The following PRKN variants were observed in gnomAD, a reference collection of about 807,000 sequenced individuals.
PRKN encodes E3 ubiquitin-protein ligase parkin.
In PRKN, 56 loss-of-function variants were observed where a neutral mutation model predicts 59.5. That is an observed-to-expected ratio of 0.94 (90% CI 0.76 to 1.18). The LOEUF (loss-of-function observed/expected upper bound fraction) is 1.18. PRKN is among the 50% of genes most tolerant of loss of function. The pLI, the probability that PRKN is intolerant of heterozygous loss-of-function variation, is 0.00. For synonymous variants in PRKN, 250 were observed against 222.1 expected, an observed-to-expected ratio of 1.13 and a Z score of -1.12; for missense variants, 657 against 596.4, an observed-to-expected ratio of 1.10 and a Z score of -1.06.
At chr6:162,315,842 C>T (rs1428315933) in intron 2 of PRKN, among the ~76,000 whole-genome samples, 2 of 152,294 alleles carry the variant, frequency 1.3e-5, no homozygotes, top group Non-Finnish European at 2.9e-5. Flanking sequence ...AATCTATTTA[C>T]TTAGAAATGT....
intron 4 of PRKN, among the ~76,000 whole-genome samples, chr6:162,153,894 T>C (rs974966224): frequency 2.1e-5 from 3 of 143,666 alleles, no homozygotes; most frequent in African/African-American, 7.3e-5. Flanking sequence ...AGGCGAGCCA[T>C]AAGTAGTTTG....
At chr6:162,268,393 C>T (rs1162334535) in intron 2 of PRKN, among the ~76,000 whole-genome samples, 1 of 152,248 alleles carries the variant, frequency 6.6e-6, no homozygotes, top group African/African-American at 2.4e-5. Flanking sequence ...CAAGTGAAGA[C>T]ACAACAAGAA....
At chr6:161,583,335 C>T (rs1475735364) in intron 7 of PRKN, among the ~76,000 whole-genome samples, 1 of 152,138 alleles carries the variant, frequency 6.6e-6, no homozygotes, top group African/African-American at 2.4e-5. Context: ...CTAAAAAACA[C>T]ATCTTGGGAT....
At chr6:161,953,060 T>C (rs1373995525) in intron 6 of PRKN, among the ~76,000 whole-genome samples, 1 of 151,952 alleles carries the variant, frequency 6.6e-6, no homozygotes, top group Non-Finnish European at 1.5e-5. Context: ...CTAAACAGAG[T>C]AAACATATGG....
intron 7 of PRKN, among the ~76,000 whole-genome samples, chr6:161,730,532 TTTCTGATGTGTTGCA>T (rs1447247571): frequency 2.0e-5 from 3 of 150,960 alleles, no homozygotes; most frequent in Non-Finnish European, 4.4e-5. Flanking sequence ...TGTTGCATTC[TTTCTGATGTGTTGCA>T]TTCTGATATG....
chr6:161,911,105 A>G (rs1157188238), intron 6 of PRKN, among the ~76,000 whole-genome samples: 1 of 152,150 alleles, frequency 6.6e-6, no homozygotes, highest in Non-Finnish European at 1.5e-5. Flanking sequence ...TAGAAAATGG[A>G]CTTTCTTTTA....
chr6:161,627,769 A>G (rs1432198977), intron 7 of PRKN, among the ~76,000 whole-genome samples: 2 of 152,236 alleles, frequency 1.3e-5, no homozygotes, highest in Non-Finnish European at 2.9e-5. Flanking sequence ...CCAATGCACC[A>G]GGGTGACTAG....
At chr6:162,301,533 C>T (rs937375495) in intron 2 of PRKN, among the ~76,000 whole-genome samples, 3 of 152,026 alleles carry the variant, frequency 2.0e-5, no homozygotes, top group Non-Finnish European at 2.9e-5. Flanking sequence ...AGTATCTGGA[C>T]GTTTGGTTTC....
intron 5 of PRKN, among the ~76,000 whole-genome samples, chr6:162,044,902 T>C (rs1353075614): frequency 1.3e-5 from 2 of 152,216 alleles, no homozygotes; most frequent in Non-Finnish European, 2.9e-5. Context: ...TTATTTCCTC[T>C]GCCCTATTCA....
chr6:162,585,247 C>T (rs535977511), intron 1 of PRKN, among the ~76,000 whole-genome samples: 2 of 151,902 alleles, frequency 1.3e-5, no homozygotes, highest in Non-Finnish European at 2.9e-5. Flanking sequence ...TCATTTTTAT[C>T]GTAAGTACTT....
chr6:161,918,625 C>T (rs368927234), intron 6 of PRKN, among the ~76,000 whole-genome samples: 1 of 152,144 alleles, frequency 6.6e-6, no homozygotes, highest in African/African-American at 2.4e-5. Flanking sequence ...TTTGTACCCA[C>T]AAAATGCTTA....
intron 2 of PRKN, among the ~76,000 whole-genome samples, chr6:162,432,298 C>A (rs1789573092): frequency 1.3e-5 from 2 of 152,148 alleles, no homozygotes; most frequent in Non-Finnish European, 2.9e-5. Flanking sequence ...GAGGCCGAGG[C>A]AGACGGATCA....
intron 1 of PRKN, among the ~76,000 whole-genome samples, chr6:162,726,645 C>T (rs540240884): frequency 6.6e-6 from 1 of 152,264 alleles, no homozygotes; most frequent in African/African-American, 2.4e-5. Flanking sequence ...GCATAAAGAT[C>T]ATATACTTTA....
rs1392663142 is a variant in PRKN, at chr6:161,628,054, TTAGAG to T, written c.872-58643_872-58639del. Among the ~76,000 whole-genome samples, 13 of 152,280 alleles carry T rather than the reference TTAGAG, an allele frequency of 8.5e-5. No individual in the cohort carries two copies. In the South Asian group the frequency reaches 1.5e-3, roughly 17 times the overall value. On this transcript the variant is annotated intron_variant, in intron 7 of 11. Coordinates refer to ENST00000366898, the MANE Select transcript of PRKN (RefSeq NM_004562.3). ...ATGATGGTGTCATGTATCATGTCAA[TTAGAG>T]TAATGTTGGAAAATGGAAGTATACA...
chr6:162,388,157 G>A lies in PRKN; in HGVS notation c.171+55153C>T, dbSNP rs1450934559. On this transcript the variant is annotated intron_variant, in intron 2 of 11. Transcript: ENST00000366898. ...GTTCTTCGGGCTGGCCCTGGGGACT[G>A]CAGTGGCAATGGACCAGGTTTCATT... 1.3e-5 allele frequency among the ~76,000 whole-genome samples: 2 copies of A among 152,146 alleles called. 1 individual carries two copies. The highest frequency in any genetic ancestry group is 4.1e-4 in the South Asian group (2 of 4,830).
At chr6:162,006,071 T>C (rs1403952702) in intron 5 of PRKN, among the ~76,000 whole-genome samples, 1 of 152,194 alleles carries the variant, frequency 6.6e-6, no homozygotes, top group East Asian at 1.9e-4. Flanking sequence ...TTAGAATTAC[T>C]ATAAAGTACA....
At chr6:162,019,790 G>A (rs1783064784) in intron 5 of PRKN, among the ~76,000 whole-genome samples, 1 of 152,120 alleles carries the variant, frequency 6.6e-6, no homozygotes, top group South Asian at 2.1e-4. Flanking sequence ...AGGCCAAGGT[G>A]GGTGGATCAC....
intron 9 of PRKN, among the ~76,000 whole-genome samples, chr6:161,496,309 A>T (rs1777745093): frequency 6.6e-6 from 1 of 152,230 alleles, no homozygotes; most frequent in Non-Finnish European, 1.5e-5. Flanking sequence ...GTACCTTGGA[A>T]TGAGATCTTC....
chr6:162,513,655 G>A (rs1777726334), intron 1 of PRKN, among the ~76,000 whole-genome samples: 1 of 152,136 alleles, frequency 6.6e-6, no homozygotes, highest in South Asian at 2.1e-4. Flanking sequence ...GAAGGTAACT[G>A]GACATAAACC....
Sources: gnomAD v4.1 joint callset for allele counts (sites outside exome capture counted in the v4.1 genomes callset) on GRCh38, gnomAD v4.1.1 for gene constraint, MANE v1.5 for transcripts, NCBI Gene and HGNC (gene_info 2026-07-23, HGNC 2026-07-21) for gene names.